The following ERO1B variants were observed in gnomAD, a reference collection of about 807,000 sequenced individuals.
The protein encoded by ERO1B is ERO1-like protein beta.
In ERO1B, 49 loss-of-function variants were observed where a neutral mutation model predicts 75.3. The observed-to-expected ratio is 0.65, with a 90% confidence interval of 0.52 to 0.83. ERO1B has a LOEUF of 0.83. Ranked by LOEUF, ERO1B falls within the 40% of genes least tolerant of loss-of-function variation. The probability of loss-of-function intolerance (pLI) is 0.00; values close to 1 mark genes in which losing one functional copy is unlikely to be tolerated. For missense variants in ERO1B, 512 were observed against 560.1 expected (o/e 0.91, Z 0.87); for synonymous variants, 191 against 192.9 (o/e 0.99, Z 0.08).
chr1:236,230,022 T>C (rs1664363468), intron 10 of ERO1B, among the ~76,000 whole-genome samples: 1 of 152,104 alleles, frequency 6.6e-6, no homozygotes, highest in African/African-American at 2.4e-5. Context: ...TGTGTATTTA[T>C]ATAAACCTGG....
chr1:236,256,804 C>T (rs1291465753), intron 2 of ERO1B, among the ~76,000 whole-genome samples: 1 of 152,108 alleles, frequency 6.6e-6, no homozygotes, highest in Non-Finnish European at 1.5e-5. Flanking sequence ...TGCTAAATCA[C>T]CTAGCTCTGG....
At position 236,235,844 on chromosome 1, in the gene ERO1B, G is replaced by C; in HGVS notation, c.627-9C>G. The C allele has an allele frequency of 6.2e-7, 1 of 1,611,240 alleles. No homozygotes were observed. Among genetic ancestry groups the C allele is most frequent in the South Asian group, 1.1e-5 (1 of 90,334 alleles). Reference sequence around the variant, plus strand: ...GATAAACAGATCGAGGCCTGAAAAAGAAAGCATAATACCCAAACATAGAAT... The same window carrying C: ...GATAAACAGATCGAGGCCTGAAAAACAAAGCATAATACCCAAACATAGAAT... On this transcript the variant is annotated splice_polypyrimidine_tract_variant and intron_variant, in intron 7 of 15. Coordinates refer to ENST00000354619, the MANE Select transcript of ERO1B (RefSeq NM_019891.4).
intron 13 of ERO1B, among the ~76,000 whole-genome samples, chr1:236,222,561 A>C (rs913518089): frequency 6.6e-6 from 1 of 152,252 alleles, no homozygotes; most frequent in African/African-American, 2.4e-5. Flanking sequence ...GCAAAGCACC[A>C]AAATATGCAC....
In ERO1B at chr1:236,267,846, C is replaced by T. The variant is rs533337231; in HGVS notation, c.222+2029G>A. ...GTTAATACCTGATATGTCCTCTACC[C>T]GAGAACAATATATTACATGGATTTT... On this transcript the variant is annotated intron_variant, in intron 2 of 15. Transcript: ENST00000354619. The T allele has an allele frequency of 1.1e-4, 16 of 152,088 alleles. No individual in the cohort carries two copies. In the East Asian group the frequency reaches 2.3e-3, roughly 22 times the overall value. 9.4% of individuals were successfully genotyped at this position (152,088 alleles called of 1,614,324 possible).
At chr1:236,268,098 T>C (rs904364100) in intron 2 of ERO1B, 5 of 152,244 alleles carry the variant, frequency 3.3e-5, no homozygotes, top group African/African-American at 1.2e-4. Flanking sequence ...CTAAAGGATT[T>C]TGTACAGAGG....
intron 2 of ERO1B, among the ~76,000 whole-genome samples, chr1:236,264,774 G>A (rs1287752900): frequency 6.6e-6 from 1 of 152,038 alleles, no homozygotes; most frequent in Non-Finnish European, 1.5e-5. Flanking sequence ...GAACCCAGGA[G>A]GTGGAGATTG....
chr1:236,250,690 TTA>T (rs1160370291), intron 4 of ERO1B, among the ~76,000 whole-genome samples: 1 of 124,304 alleles, frequency 8.0e-6, no homozygotes, highest in Non-Finnish European at 1.7e-5. Context: ...TATATAAAAG[TTA>T]TATATACACA....
intron 2 of ERO1B, among the ~76,000 whole-genome samples, chr1:236,256,480 T>G (rs1665163052): frequency 6.6e-6 from 1 of 152,216 alleles, no homozygotes; most frequent in African/African-American, 2.4e-5. Context: ...TCATGCCTTC[T>G]GCCTCCATGT....
In ERO1B at chr1:236,226,468, G is replaced by A; in HGVS notation, c.853C>T (p.His285Tyr). ...TTGGTTTCCACAGGGTCAAAGCGGT[G>A]TTTGAATTCTTTAATATTAGGTCCC... ...SWGPNIKEFK[H>Y]RFDPVETKGE... The change falls in exon 12 of 16, where the codon CAC (histidine) becomes TAC (tyrosine). Residue 285 changes from histidine (H) to tyrosine (Y), a missense_variant. Physicochemically the swap from His to Tyr is moderately conservative, Grantham distance 83. Coordinates refer to ENST00000354619, the MANE Select transcript of ERO1B (RefSeq NM_019891.4). The A allele has an allele frequency of 6.2e-7, 1 of 1,614,034 alleles. No homozygotes were observed. The highest frequency in any genetic ancestry group is 2.2e-5 in the East Asian group (1 of 44,874).
chr1:236,277,919 C>T (rs1209488506), intron 1 of ERO1B, among the ~76,000 whole-genome samples: 3 of 152,036 alleles, frequency 2.0e-5, no homozygotes, highest in African/African-American at 7.2e-5. Flanking sequence ...TTCTATACTT[C>T]AAGTTTCTTT....
rs1401125900 is a variant in ERO1B, at chr1:236,216,840, A to G, written c.*1676T>C. The G allele has an allele frequency of 1.3e-5, 2 of 151,462 alleles. No individual in the cohort carries two copies. Among genetic ancestry groups the G allele is most frequent in the Non-Finnish European group, 2.9e-5 (2 of 67,934 alleles). The allele number at this position is 151,462 out of a possible 1,614,324, so 9.4% of individuals were successfully genotyped here. ...AATTAATTGGATAGTCACTTTTTAG[A>G]CAGTTTGCCTTAAGGCCCCCCTCCC... is the stretch of plus-strand genomic sequence containing the variant. On this transcript the variant is annotated 3_prime_UTR_variant, in exon 16 of 16. Coordinates refer to ENST00000354619, the MANE Select transcript of ERO1B (RefSeq NM_019891.4).
chr1:236,232,679 C>CT (rs11388266), intron 9 of ERO1B, 149 bp downstream of exon 9: 219,638 of 404,804 alleles, frequency 0.54, 44,497 homozygotes, highest in African/African-American at 0.64. Context: ...ATAAAATAAT[C>CT]TTTTTTTTTT....
chr1:236,275,641 T>C (rs1392209981), intron 1 of ERO1B, among the ~76,000 whole-genome samples: 1 of 152,182 alleles, frequency 6.6e-6, no homozygotes, highest in East Asian at 1.9e-4. Flanking sequence ...TTCAACTTTC[T>C]AATCACTTGG....
intron 12 of ERO1B, among the ~76,000 whole-genome samples, chr1:236,225,991 T>C (rs1415874867): frequency 6.6e-6 from 1 of 152,202 alleles, no homozygotes; most frequent in East Asian, 1.9e-4. Flanking sequence ...AGAAAGACCA[T>C]TAAAGTAGCA....
In ERO1B at chr1:236,218,777, C is replaced by G. The variant is rs373204921; in HGVS notation, c.1344-201G>C. ...AAGGAAGCCTGTTACTTCATACTAT[C>G]TACAGACATTAGATTAATAATGGGA... is the stretch of plus-strand genomic sequence containing the variant. On this transcript the variant is annotated intron_variant, in intron 15 of 15. Coordinates refer to ENST00000354619, the MANE Select transcript of ERO1B (RefSeq NM_019891.4). Among the ~76,000 whole-genome samples, 6 of 152,254 alleles carry G rather than the reference C, an allele frequency of 3.9e-5. No homozygotes were observed. In the East Asian group the frequency reaches 9.6e-4, roughly 24 times the overall value.
chr1:236,221,733 A>G, intron 14 of ERO1B, 191 bp downstream of exon 14: 1 of 530,722 alleles, frequency 1.9e-6, no homozygotes, highest in South Asian at 2.7e-5. Context: ...AAAGAATAAT[A>G]TGAGAAACAT....
chr1:236,226,253 G>A lies in ERO1B; in HGVS notation c.1052+16C>T. 6.2e-7 allele frequency: 1 copy of A among 1,610,784 alleles called. No individual in the cohort carries two copies. The highest frequency in any genetic ancestry group is 8.5e-7 in the Non-Finnish European group (1 of 1,178,418). On this transcript the variant is annotated intron_variant, in intron 12 of 15. Transcript: ENST00000354619. ...ACAGAGAGGAGAATTTCAAATCACGGATAGTCAATTCTTACTTTGTATCTT... is the reference window on the plus strand; with the variant it reads ...ACAGAGAGGAGAATTTCAAATCACGAATAGTCAATTCTTACTTTGTATCTT...
intron 5 of ERO1B, among the ~76,000 whole-genome samples, chr1:236,248,206 T>TA (rs1176409451): frequency 6.6e-6 from 1 of 152,072 alleles, no homozygotes; most frequent in Non-Finnish European, 1.5e-5. Flanking sequence ...GTCCAATAAA[T>TA]AAAAAATGCT....
intron 5 of ERO1B, among the ~76,000 whole-genome samples, chr1:236,246,164 AT>A (rs1204260577): frequency 6.6e-6 from 1 of 150,922 alleles, no homozygotes. Flanking sequence ...TATGTACCAA[AT>A]TTTTTTTTTA....
Sources: gnomAD v4.1 joint callset for allele counts (sites outside exome capture counted in the v4.1 genomes callset) on GRCh38, gnomAD v4.1.1 for gene constraint, MANE v1.5 for transcripts, NCBI Gene and HGNC (gene_info 2026-07-23, HGNC 2026-07-21) for gene names.